TMCC1: variants seen among roughly 807,000 people sequenced by gnomAD.
The protein encoded by TMCC1 is transmembrane and coiled-coil domains protein 1.
A neutral mutation model predicts 52.4 loss-of-function variants in TMCC1; 15 were observed. The observed-to-expected ratio is 0.29, with a 90% CI of 0.19 to 0.44. The LOEUF is 0.44. Among genes scored for constraint, TMCC1 ranks in the 20% least tolerant of loss-of-function variants. The pLI is 1.00. For missense variants in TMCC1, 503 were observed against 806.0 expected (o/e 0.62, Z 4.55); for synonymous variants, 279 against 301.9 (o/e 0.92, Z 0.79).
chr3:129,760,492 GTGTT>G (rs1433700759), intron 4 of TMCC1, among the ~76,000 whole-genome samples: 55 of 138,032 alleles, frequency 4.0e-4, no homozygotes, highest in Non-Finnish European at 5.4e-4. Flanking sequence ...GTGTGTGTGT[GTGTT>G]TTTGAGACAG....
intron 4 of TMCC1, among the ~76,000 whole-genome samples, chr3:129,804,495 T>G (rs1202702946): frequency 6.6e-6 from 1 of 152,228 alleles, no homozygotes; most frequent in Non-Finnish European, 1.5e-5. Context: ...TTACAATGTT[T>G]TAAACCCCAG....
intron 4 of TMCC1, among the ~76,000 whole-genome samples, chr3:129,697,432 G>A (rs537895086): frequency 4.3e-4 from 66 of 152,226 alleles, no homozygotes; most frequent in African/African-American, 1.4e-3. Flanking sequence ...CCTGGCCCAC[G>A]AAGCCATTTT....
At position 129,827,852 on chromosome 3, in the gene TMCC1, G is replaced by GCAGCAC. The variant is rs750606050; in HGVS notation, c.526_527insGTGCTG (p.Ala175_Ala176insGlyAla). 5.5e-5 allele frequency: 88 copies of GCAGCAC among 1,613,950 alleles called. No homozygotes were observed. The highest frequency in any genetic ancestry group is 7.1e-5 in the Non-Finnish European group (84 of 1,179,956). ...TGGTAGACATGCAGCAGCAGCAGCA[G>GCAGCAC]CAGCAGCACAAGCTATTTCCATCAT... On this transcript the variant is annotated inframe_insertion, in exon 4 of 7. Coordinates refer to ENST00000393238, the MANE Select transcript of TMCC1 (RefSeq NM_001017395.5).
intron 4 of TMCC1, among the ~76,000 whole-genome samples, chr3:129,790,018 T>G (rs1459177167): frequency 6.6e-6 from 1 of 152,208 alleles, no homozygotes; most frequent in East Asian, 1.9e-4. Context: ...ATTTTTACCT[T>G]CATGTTTTTT....
chr3:129,866,073 T>A (rs767895055), intron 2 of TMCC1, among the ~76,000 whole-genome samples: 3 of 151,894 alleles, frequency 2.0e-5, no homozygotes, highest in Non-Finnish European at 4.4e-5. Flanking sequence ...GATATGCAGA[T>A]CAAAATGGAA....
chr3:129,862,395 G>C (rs1203122789), intron 2 of TMCC1, among the ~76,000 whole-genome samples: 1 of 152,166 alleles, frequency 6.6e-6, no homozygotes, highest in African/African-American at 2.4e-5. Flanking sequence ...AAGCTGTAAA[G>C]CAAAATGTTA....
intron 5 of TMCC1, 96 bp downstream of exon 5, chr3:129,670,234 A>C: frequency 7.5e-7 from 1 of 1,338,986 alleles, no homozygotes; most frequent in Non-Finnish European, 1.0e-6. Flanking sequence ...TGGACACTCT[A>C]GAGAAAGATA....
intron 4 of TMCC1, chr3:129,818,859 G>T (rs1186029096): frequency 6.6e-6 from 1 of 152,388 alleles, no homozygotes; most frequent in African/African-American, 2.4e-5. Context: ...GAAGCACATG[G>T]TATCAGTGTT....
At chr3:129,816,292 T>C (rs184568221) in intron 4 of TMCC1, among the ~76,000 whole-genome samples, 26 of 152,302 alleles carry the variant, frequency 1.7e-4, no homozygotes, top group Non-Finnish European at 2.9e-4. Context: ...CCATGTTTAT[T>C]TGCAAGTGCT....
chr3:129,852,293 C>T (rs1209653091), intron 2 of TMCC1, among the ~76,000 whole-genome samples: 1 of 151,772 alleles, frequency 6.6e-6, no homozygotes, highest in Non-Finnish European at 1.5e-5. Context: ...ATTGTCTCTA[C>T]TCAAAATACA....
At chr3:129,813,950 T>C (rs2057968317) in intron 4 of TMCC1, among the ~76,000 whole-genome samples, 1 of 151,856 alleles carries the variant, frequency 6.6e-6, no homozygotes, top group South Asian at 2.1e-4. Context: ...TAATTGTTCA[T>C]CCATTCTAAA....
chr3:129,673,290 G>T (rs1336692039), intron 4 of TMCC1, among the ~76,000 whole-genome samples: 2 of 152,080 alleles, frequency 1.3e-5, no homozygotes, highest in Non-Finnish European at 2.9e-5. Flanking sequence ...AGAGCTCCTG[G>T]AAATCCACTT....
chr3:129,744,372 T>C (rs1037870812), intron 4 of TMCC1, among the ~76,000 whole-genome samples: 1 of 151,716 alleles, frequency 6.6e-6, no homozygotes, highest in African/African-American at 2.4e-5. Context: ...AGGCTGGTCT[T>C]GAACTCCTGG....
intron 4 of TMCC1, chr3:129,794,420 T>C (rs2056682032): frequency 2.2e-6 from 1 of 455,132 alleles, no homozygotes; most frequent in Admixed American, 2.4e-5. Context: ...AAATAACAGC[T>C]TCTTGGGAAA....
intron 6 of TMCC1, among the ~76,000 whole-genome samples, chr3:129,653,668 G>A (rs1440727925): frequency 6.6e-6 from 1 of 151,984 alleles, no homozygotes; most frequent in Non-Finnish European, 1.5e-5. Flanking sequence ...TTGATCTCCT[G>A]ACCTTGTGAT....
chr3:129,696,347 G>A (rs1446947827), intron 4 of TMCC1, among the ~76,000 whole-genome samples: 2 of 152,252 alleles, frequency 1.3e-5, no homozygotes, highest in East Asian at 1.9e-4. Context: ...CCCCTGCTTC[G>A]AACTCTCCCG....
At position 129,846,456 on chromosome 3, in the gene TMCC1, C is replaced by T. The variant is rs568149332; in HGVS notation, c.-183-13630G>A. 1.4e-4 allele frequency among the ~76,000 whole-genome samples: 21 copies of T among 152,310 alleles called. 1 individual carries two copies. The highest frequency in any genetic ancestry group is 1.4e-3 in the Admixed American group (21 of 15,298). On this transcript the variant is annotated intron_variant, in intron 2 of 6. Transcript: ENST00000393238. Reference sequence around the variant, plus strand: ...GAAATGGTTTCGAAGGTAACACATACTTTATGCTTTGCTACACTGAAAATT... The same window carrying T: ...GAAATGGTTTCGAAGGTAACACATATTTTATGCTTTGCTACACTGAAAATT...
intron 4 of TMCC1, among the ~76,000 whole-genome samples, chr3:129,797,481 C>G (rs1370700211): frequency 6.6e-6 from 1 of 152,130 alleles, no homozygotes; most frequent in African/African-American, 2.4e-5. Flanking sequence ...TGTGCTTATG[C>G]CTGTGATCCC....
intron 2 of TMCC1, among the ~76,000 whole-genome samples, chr3:129,871,689 A>G (rs2060937796): frequency 6.6e-6 from 1 of 152,238 alleles, no homozygotes; most frequent in East Asian, 1.9e-4. Context: ...ATTCCATTAC[A>G]TAAACGGCTC....
Sources: gnomAD v4.1 joint callset for allele counts (sites outside exome capture counted in the v4.1 genomes callset) on GRCh38, gnomAD v4.1.1 for gene constraint, MANE v1.5 for transcripts, NCBI Gene and HGNC (gene_info 2026-07-23, HGNC 2026-07-21) for gene names.